The following PCDHA2 variants were observed in gnomAD, a reference collection of about 807,000 sequenced individuals.
PCDHA2 encodes the protein protocadherin alpha 2, also known as protocadherin alpha-2.
A neutral mutation model predicts 66.0 loss-of-function variants in PCDHA2; 58 were observed. The observed-to-expected ratio is 0.88, with a 90% confidence interval of 0.71 to 1.09. PCDHA2 has a LOEUF of 1.09. Among genes scored for constraint, PCDHA2 ranks in the 50% least tolerant of loss-of-function variants. PCDHA2 has a pLI of 0.00. For synonymous variants in PCDHA2, 634 were observed against 554.0 expected (o/e 1.14, Z -2.03); for missense variants, 1,267 against 1,242.3 (o/e 1.02, Z -0.30).
At chr5:140,822,785 T>C in intron 1 of PCDHA2, 1 of 1,614,074 alleles carries the variant, frequency 6.2e-7, no homozygotes, top group Non-Finnish European at 8.5e-7. Context: ...AAAGTAGTAG[T>C]GAAACTCCTG....
intron 1 of PCDHA2, chr5:140,869,653 A>G: frequency 6.2e-7 from 1 of 1,613,586 alleles, no homozygotes. Flanking sequence ...AGATTCACCA[A>G]CAAATGGTAA....
At chr5:140,835,552 C>T (rs2150238034) in intron 1 of PCDHA2, 8 of 1,613,942 alleles carry the variant, frequency 5.0e-6, no homozygotes, top group East Asian at 2.2e-5. Flanking sequence ...TGCTCCCTGA[C>T]GCCCCGCGTT....
chr5:140,906,822 T>C (rs2072968102), intron 1 of PCDHA2, among the ~76,000 whole-genome samples: 1 of 152,142 alleles, frequency 6.6e-6, no homozygotes, highest in African/African-American at 2.4e-5. Context: ...CACTGTGGAG[T>C]AGTAGACTGA....
At chr5:140,836,830 GAT>G in intron 1 of PCDHA2, 1 of 945,180 alleles carries the variant, frequency 1.1e-6, no homozygotes, top group Non-Finnish European at 1.6e-6. Flanking sequence ...TTTTTTAGTT[GAT>G]AGCTTTATGT....
chr5:140,998,228 T>G (rs528236708), intron 3 of PCDHA2, among the ~76,000 whole-genome samples: 1 of 152,288 alleles, frequency 6.6e-6, no homozygotes, highest in East Asian at 1.9e-4. Flanking sequence ...ACCCAGAAAT[T>G]TGTGCATTAT....
chr5:140,856,604 G>C lies in PCDHA2; in HGVS notation c.2388+59252G>C, dbSNP rs200468399. 1,451 of 1,597,840 alleles carry C rather than the reference G, an allele frequency of 9.1e-4. 118 individuals are homozygous for C. Among genetic ancestry groups the C allele is most frequent in the Non-Finnish European group, 8.3e-4 (967 of 1,167,426 alleles). ...TGTTCTTGATATTATAAACAAAAAA[G>C]ACAAAGACAAATTCCCAGTGCTTGT... On this transcript the variant is annotated intron_variant, in intron 1 of 3. Coordinates refer to ENST00000526136, the MANE Select transcript of PCDHA2 (RefSeq NM_018905.3).
chr5:140,842,293 C>T, intron 1 of PCDHA2: 1 of 1,609,994 alleles, frequency 6.2e-7, no homozygotes, highest in South Asian at 1.1e-5. Flanking sequence ...ACGCCACGGA[C>T]AAAGGCCATC....
At chr5:140,892,144 G>A (rs549500463) in intron 1 of PCDHA2, among the ~76,000 whole-genome samples, 45 of 152,220 alleles carry the variant, frequency 3.0e-4, no homozygotes, top group African/African-American at 1.1e-3. Context: ...TGGTTTTAGC[G>A]TCTATTTCTG....
At position 140,858,014 on chromosome 5, in the gene PCDHA2, C is replaced by T. The variant is rs782738271; in HGVS notation, c.2388+60662C>T. 5 of 1,596,754 alleles carry T rather than the reference C, an allele frequency of 3.1e-6. No homozygotes were observed. Among genetic ancestry groups the T allele is most frequent in the African/African-American group, 1.3e-5 (1 of 74,296 alleles). ...GGTGCTGGTGAAGGACCATGGCGAG[C>T]CGTCGCTGACGGCCACGGCCACTGT... On this transcript the variant is annotated intron_variant, in intron 1 of 3. Coordinates refer to ENST00000526136, the MANE Select transcript of PCDHA2 (RefSeq NM_018905.3).
intron 1 of PCDHA2, among the ~76,000 whole-genome samples, chr5:140,936,532 A>G (rs1431070462): frequency 6.6e-6 from 1 of 152,222 alleles, no homozygotes; most frequent in East Asian, 1.9e-4. Context: ...ATTGCTTTTG[A>G]ATATAGTGCA....
chr5:140,869,694 GA>G, intron 1 of PCDHA2: 1 of 1,613,394 alleles, frequency 6.2e-7, no homozygotes, highest in Non-Finnish European at 8.5e-7. Context: ...TTATTTTAAA[GA>G]AGTCTCTGGA....
intron 1 of PCDHA2, chr5:140,829,570 G>A (rs2150170338): frequency 1.2e-6 from 2 of 1,612,580 alleles, no homozygotes; most frequent in East Asian, 2.2e-5. Context: ...TGTCCTACTC[G>A]CTGGTGGAGC....
At chr5:140,964,566 G>A (rs2095840528) in intron 1 of PCDHA2, among the ~76,000 whole-genome samples, 1 of 152,168 alleles carries the variant, frequency 6.6e-6, no homozygotes, top group Non-Finnish European at 1.5e-5. Context: ...GGGCTGGGAG[G>A]AGATAAGGGG....
intron 1 of PCDHA2, among the ~76,000 whole-genome samples, chr5:140,952,915 G>GGCATGA (rs2094816103): frequency 6.6e-6 from 1 of 151,986 alleles, no homozygotes; most frequent in African/African-American, 2.4e-5. Flanking sequence ...CATCTTACAT[G>GGCATGA]GCATGAGCAG....
intron 1 of PCDHA2, among the ~76,000 whole-genome samples, chr5:140,899,225 A>G (rs1479429839): frequency 6.6e-6 from 1 of 152,038 alleles, no homozygotes; most frequent in African/African-American, 2.4e-5. Flanking sequence ...TTCCAACACT[A>G]TGTTGAATAG....
chr5:140,943,467 G>C lies in PCDHA2; in HGVS notation c.2389-35482G>C, dbSNP rs559827697. 2.0e-5 allele frequency among the ~76,000 whole-genome samples: 3 copies of C among 152,126 alleles called. No individual in the cohort carries two copies. The East Asian group carries it at 5.8e-4, about 29-fold the overall frequency. On this transcript the variant is annotated intron_variant, in intron 1 of 3. Coordinates refer to ENST00000526136, the MANE Select transcript of PCDHA2 (RefSeq NM_018905.3). ...AGAATTGATAAGGCTAAATGTGGGA[G>C]ATACAGTAAAATAATAAATAGATGC... is the stretch of plus-strand genomic sequence containing the variant.
At chr5:140,834,144 T>G (rs2150213774) in intron 1 of PCDHA2, 1 of 515,130 alleles carries the variant, frequency 1.9e-6, no homozygotes, top group South Asian at 3.2e-5. Context: ...ATTAATAGTT[T>G]GTAATGGTTT....
chr5:140,844,747 T>C (rs1779528592), intron 1 of PCDHA2, among the ~76,000 whole-genome samples: 1 of 149,678 alleles, frequency 6.7e-6, no homozygotes, highest in Admixed American at 6.7e-5. Context: ...TATTATGGGA[T>C]AAATCTTTGA....
At chr5:140,800,971 T>G in intron 1 of PCDHA2, 1 of 1,254,566 alleles carries the variant, frequency 8.0e-7, no homozygotes, top group Non-Finnish European at 1.0e-6. Flanking sequence ...AGAAGATACG[T>G]TTACATATTT....
Sources: gnomAD v4.1 joint callset for allele counts (sites outside exome capture counted in the v4.1 genomes callset) on GRCh38, gnomAD v4.1.1 for gene constraint, MANE v1.5 for transcripts, NCBI Gene and HGNC (gene_info 2026-07-23, HGNC 2026-07-21) for gene names.